GLIS3: variants seen among roughly 807,000 people sequenced by gnomAD.
GLIS3 encodes GLIS family zinc finger 3.
Under a neutral mutation model 78.6 loss-of-function variants are expected in GLIS3, and 53 were observed. That is an observed-to-expected ratio of 0.67 (90% confidence interval 0.54 to 0.85). The LOEUF is 0.85. Ranked by LOEUF, GLIS3 falls within the 40% of genes least tolerant of loss-of-function variation. GLIS3 has a pLI of 0.00. For synonymous variants in GLIS3, 684 were observed against 509.9 expected, an observed-to-expected ratio of 1.34 and a Z score of -4.60; for missense variants, 1,703 against 1,231.1, an observed-to-expected ratio of 1.38 and a Z score of -5.74.
chr9:4,467,408 G>A, the GLIS3 span, among the ~76,000 whole-genome samples: 1 of 152,140 alleles, frequency 6.6e-6, no homozygotes, highest in Non-Finnish European at 1.5e-5. Context: ...ACCTCATATG[G>A]CCACAGGACC....
the GLIS3 span, among the ~76,000 whole-genome samples, chr9:4,451,493 G>C: frequency 6.6e-6 from 1 of 152,166 alleles, no homozygotes; most frequent in African/African-American, 2.4e-5. Context: ...TCTGCACCAA[G>C]TGAACCTAAT....
In GLIS3 at chr9:4,324,300, A is replaced by G. The variant is rs145246930; in HGVS notation, n.265-13772T>C. On this transcript the variant is annotated intron_variant and non_coding_transcript_variant, in intron 2 of 4. Coordinates refer to the GLIS3 transcript ENST00000471664. ...AGAGCTTAGGATGCTGACTTTTCCTATAGGCAGAGGATGTGGAGTTGTGAC... is the reference window on the plus strand; with the variant it reads ...AGAGCTTAGGATGCTGACTTTTCCTGTAGGCAGAGGATGTGGAGTTGTGAC... Among the ~76,000 whole-genome samples the G allele has an allele frequency of 6.6e-5, 10 of 152,320 alleles. No homozygotes were observed. In the East Asian group the frequency reaches 1.9e-3, roughly 29 times the overall value.
At chr9:4,413,424 G>A in the GLIS3 span, among the ~76,000 whole-genome samples, 5 of 152,102 alleles carry the variant, frequency 3.3e-5, no homozygotes, top group East Asian at 5.8e-4. Context: ...CAACAGAAGG[G>A]TTTCTATAAG....
chr9:4,185,943 C>G (rs1817746733), intron 2 of GLIS3, among the ~76,000 whole-genome samples: 1 of 152,098 alleles, frequency 6.6e-6, no homozygotes, highest in Non-Finnish European at 1.5e-5. Flanking sequence ...AGTCAGAATA[C>G]ATATCTGGCG....
At chr9:4,027,294 C>T (rs759691402) in intron 4 of GLIS3, among the ~76,000 whole-genome samples, 46 of 152,192 alleles carry the variant, frequency 3.0e-4, no homozygotes, top group Non-Finnish European at 6.0e-4. Context: ...GTCTTTAAGG[C>T]ACAAGAAGAC....
chr9:4,268,340 C>G (rs1053660749), intron 2 of GLIS3, among the ~76,000 whole-genome samples: 16 of 152,286 alleles, frequency 1.1e-4, no homozygotes, highest in Admixed American at 9.8e-4. Context: ...AAAATAGCAT[C>G]TACCATATCA....
chr9:4,293,312 A>G (rs1329197843), intron 1 of GLIS3, among the ~76,000 whole-genome samples: 2 of 152,232 alleles, frequency 1.3e-5, no homozygotes, highest in Non-Finnish European at 2.9e-5. Context: ...TCCCCATCAC[A>G]CATGTAACTG....
intron 2 of GLIS3, among the ~76,000 whole-genome samples, chr9:4,331,370 T>A (rs1321630602): frequency 7.1e-6 from 1 of 141,634 alleles, no homozygotes; most frequent in Non-Finnish European, 1.6e-5. Flanking sequence ...CAACCTCATC[T>A]TAACTAATTC....
At chr9:4,092,710 AT>A (rs1422251580) in intron 4 of GLIS3, among the ~76,000 whole-genome samples, 10 of 152,216 alleles carry the variant, frequency 6.6e-5, no homozygotes, top group African/African-American at 2.2e-4. Context: ...CATAATAACA[AT>A]GCTTTCTTTT....
intron 4 of GLIS3, among the ~76,000 whole-genome samples, chr9:4,018,315 C>A (rs931201468): frequency 6.6e-6 from 1 of 152,146 alleles, no homozygotes; most frequent in Non-Finnish European, 1.5e-5. Flanking sequence ...CTTGGTTACA[C>A]AGGACTGGCT....
intron 2 of GLIS3, among the ~76,000 whole-genome samples, chr9:4,130,539 C>T (rs926961576): frequency 2.6e-5 from 4 of 152,248 alleles, no homozygotes; most frequent in Non-Finnish European, 4.4e-5. Context: ...GGCCCAGGTA[C>T]AGCTCAGGCC....
intron 2 of GLIS3, among the ~76,000 whole-genome samples, chr9:4,331,824 T>C (rs1429680319): frequency 3.3e-5 from 5 of 151,916 alleles, no homozygotes; most frequent in African/African-American, 7.3e-5. Flanking sequence ...TTGGGAGTGG[T>C]TCAGACAGAG....
At chr9:4,138,074 G>T (rs1043595670) in intron 2 of GLIS3, among the ~76,000 whole-genome samples, 2 of 152,228 alleles carry the variant, frequency 1.3e-5, no homozygotes, top group African/African-American at 4.8e-5. Flanking sequence ...AGGGATTGTG[G>T]ACACACAGAT....
intron 4 of GLIS3, among the ~76,000 whole-genome samples, chr9:3,980,304 C>G (rs1162218547): frequency 1.3e-5 from 2 of 152,170 alleles, no homozygotes. Context: ...GTGAGAAGCA[C>G]GTAAGTGTTG....
chr9:4,264,931 C>T (rs150282931), intron 2 of GLIS3, among the ~76,000 whole-genome samples: 2,701 of 151,996 alleles, frequency 0.018, 77 homozygotes, highest in African/African-American at 0.061. Context: ...CGGTGGGATG[C>T]CCAGGTGGGT....
At chr9:4,115,641 T>C (rs901416200) in intron 4 of GLIS3, among the ~76,000 whole-genome samples, 1 of 152,028 alleles carries the variant, frequency 6.6e-6, no homozygotes, top group African/African-American at 2.4e-5. Flanking sequence ...ATCAAGCAGA[T>C]GACAATGTAG....
chr9:4,414,274 T>A, the GLIS3 span, among the ~76,000 whole-genome samples: 1 of 152,188 alleles, frequency 6.6e-6, no homozygotes, highest in Admixed American at 6.5e-5. Flanking sequence ...ATGAGCAAGA[T>A]TTCTGATAAA....
Position 4,118,786 on chromosome 9 carries a change from T to C in GLIS3, c.692A>G (p.Tyr231Cys). 6 of 1,611,960 alleles carry C rather than the reference T, an allele frequency of 3.7e-6. No homozygotes were observed. The highest frequency in any genetic ancestry group is 5.1e-6 in the Non-Finnish European group (6 of 1,180,026). Residue 231 changes from tyrosine to cysteine, a missense_variant, in exon 4 of 11, where the codon TAC (tyrosine) becomes TGC (cysteine). Tyr to Cys is a radical substitution (Grantham distance 194). Transcript: ENST00000381971. This position sits in a 1 kb window ranked among gnomAD's most constrained non-coding sequence, Gnocchi z 4.7. ...GTTGGAGAGCGAAGGGAGGGCCCTGTAGCCCTGGGACCACTCCTGCTTCAT... is the reference window on the plus strand; with the variant it reads ...GTTGGAGAGCGAAGGGAGGGCCCTGCAGCCCTGGGACCACTCCTGCTTCAT... ...SSMKQEWSQG[Y>C]RALPSLSNHG...
At chr9:4,039,030 T>G (rs762447674) in intron 4 of GLIS3, among the ~76,000 whole-genome samples, 1 of 152,114 alleles carries the variant, frequency 6.6e-6, no homozygotes, top group Non-Finnish European at 1.5e-5. Context: ...ATCATCCGTC[T>G]CTTACAAACT....
Sources: allele counts gnomAD v4.1 joint callset (sites outside exome capture counted in the v4.1 genomes callset), GRCh38; gene constraint gnomAD v4.1.1; non-coding constraint Gnocchi (gnomAD v3.1); transcripts MANE v1.5; gene names NCBI Gene and HGNC (gene_info 2026-07-23, HGNC 2026-07-21).